EFNA5: variants seen among roughly 807,000 people sequenced by gnomAD.
The protein encoded by EFNA5 is ephrin A5.
A neutral mutation model predicts 22.9 loss-of-function variants in EFNA5; 5 were observed. The ratio of observed to expected loss-of-function variants is 0.22; its 90% confidence interval spans 0.11 to 0.46. The LOEUF is 0.46. Ranked by LOEUF, EFNA5 falls within the 20% of genes least tolerant of loss-of-function variation. EFNA5 has a pLI of 0.99. For synonymous variants in EFNA5, 113 were observed against 112.2 expected (o/e 1.01, Z -0.04); for missense variants, 237 against 293.3 (o/e 0.81, Z 1.40).
rs972650406 is a variant in EFNA5 at position 107,380,739 on chromosome 5, T to A, written c.*516A>T. 7.0e-5 allele frequency: 28 copies of A among 399,448 alleles called. No homozygotes were observed. Among genetic ancestry groups the A allele is most frequent in the African/African-American group, 3.9e-4 (19 of 48,608 alleles). 24.7% of individuals were successfully genotyped at this position (399,448 alleles called of 1,614,324 possible). ...GGTGTAATATCGTATCTATTCTTAA[T>A]ACCTCCCCTCCGGACCTGACATGGT... On this transcript the variant is annotated 3_prime_UTR_variant, in exon 5 of 5. Transcript: ENST00000333274.
chr5:107,586,355 T>A (rs1749186049), intron 1 of EFNA5, among the ~76,000 whole-genome samples: 1 of 152,132 alleles, frequency 6.6e-6, no homozygotes. Flanking sequence ...CAAATCTCCA[T>A]CCCTAACTAG....
At chr5:107,580,016 A>G (rs560259831) in intron 1 of EFNA5, among the ~76,000 whole-genome samples, 25 of 152,330 alleles carry the variant, frequency 1.6e-4, no homozygotes, top group African/African-American at 6.0e-4. Flanking sequence ...CTGATTTTAT[A>G]TGCTTTGGGT....
At chr5:107,430,774 C>CTTTTTTTTTT (rs869266799) in intron 1 of EFNA5, among the ~76,000 whole-genome samples, 9 of 20,292 alleles carry the variant, frequency 4.4e-4, no homozygotes, top group African/African-American at 7.7e-4. Context: ...TTCTTTCTTT[C>CTTTTTTTTTT]TTTTTTTTTT....
chr5:107,542,194 G>T (rs766126814), intron 1 of EFNA5, among the ~76,000 whole-genome samples: 2 of 152,090 alleles, frequency 1.3e-5, no homozygotes, highest in Non-Finnish European at 1.5e-5. Context: ...TAATTTTAAA[G>T]TTCTCAGGAT....
intron 1 of EFNA5, among the ~76,000 whole-genome samples, chr5:107,457,454 T>G (rs1397523841): frequency 2.0e-5 from 3 of 152,202 alleles, no homozygotes; most frequent in African/African-American, 7.2e-5. Flanking sequence ...CCTGTATGCT[T>G]TAAATCATCT....
At chr5:107,574,628 T>G (rs1748888524) in intron 1 of EFNA5, among the ~76,000 whole-genome samples, 1 of 152,202 alleles carries the variant, frequency 6.6e-6, no homozygotes, top group Admixed American at 6.5e-5. Context: ...GTCTACACAA[T>G]TCTGGGCCTT....
At chr5:107,466,360 G>A (rs1437078396) in intron 1 of EFNA5, among the ~76,000 whole-genome samples, 1 of 152,082 alleles carries the variant, frequency 6.6e-6, no homozygotes. Flanking sequence ...AGCTAGGCTT[G>A]GAGAAAGATA....
intron 1 of EFNA5, among the ~76,000 whole-genome samples, chr5:107,571,552 TA>T (rs561656959): frequency 1.5e-4 from 22 of 151,458 alleles, no homozygotes; most frequent in African/African-American, 5.3e-4. Flanking sequence ...TTTTTTTTTT[TA>T]AAGAATAAAA....
chr5:107,565,654 C>G (rs1257423617), intron 1 of EFNA5, among the ~76,000 whole-genome samples: 1 of 152,052 alleles, frequency 6.6e-6, no homozygotes, highest in Non-Finnish European at 1.5e-5. Flanking sequence ...TTTATAACAG[C>G]CAAATAATGC....
At chr5:107,573,113 A>G (rs1008918690) in intron 1 of EFNA5, among the ~76,000 whole-genome samples, 15 of 152,118 alleles carry the variant, frequency 9.9e-5, no homozygotes, top group Non-Finnish European at 2.1e-4. Flanking sequence ...TCTTTAGTTC[A>G]CATTATCTGC....
intron 1 of EFNA5, among the ~76,000 whole-genome samples, chr5:107,652,770 G>T (rs1395692335): frequency 6.6e-6 from 1 of 152,066 alleles, no homozygotes; most frequent in African/African-American, 2.4e-5. Flanking sequence ...TAAAACATAA[G>T]TCAGCCAGCT....
chr5:107,541,220 A>ATGATTATAGCATG (rs1748040429), intron 1 of EFNA5, among the ~76,000 whole-genome samples: 1 of 152,224 alleles, frequency 6.6e-6, no homozygotes, highest in Non-Finnish European at 1.5e-5. Flanking sequence ...ATATAATTAC[A>ATGATTATAGCATG]TAATTATATT....
At chr5:107,533,957 T>C (rs530638861) in intron 1 of EFNA5, among the ~76,000 whole-genome samples, 1 of 152,318 alleles carries the variant, frequency 6.6e-6, no homozygotes, top group Admixed American at 6.5e-5. Context: ...GCCATTTCTA[T>C]TCGGAAAGCT....
chr5:107,386,148 CAA>C (rs33964723), intron 4 of EFNA5, among the ~76,000 whole-genome samples: 8 of 79,492 alleles, frequency 1.0e-4, no homozygotes, highest in African/African-American at 2.5e-4. Context: ...AGAAATTCTA[CAA>C]AAAAAAAAAA....
At chr5:107,388,692 A>G (rs970782799) in intron 2 of EFNA5, 6 of 152,242 alleles carry the variant, frequency 3.9e-5, no homozygotes, top group Non-Finnish European at 8.8e-5. Context: ...AGAAATGACA[A>G]AAATTACAGA....
intron 1 of EFNA5, among the ~76,000 whole-genome samples, chr5:107,656,784 T>G (rs1750834726): frequency 6.6e-6 from 1 of 152,140 alleles, no homozygotes; most frequent in Non-Finnish European, 1.5e-5. Context: ...GTGAAGAAAC[T>G]GAGGCTTAGA....
chr5:107,387,637 G>T, intron 3 of EFNA5, 69 bp downstream of exon 3: 1 of 1,176,490 alleles, frequency 8.5e-7, no homozygotes, highest in Non-Finnish European at 1.2e-6. Flanking sequence ...TTTTACCGCC[G>T]TGAACCAGAC....
At chr5:107,509,300 C>G (rs959980337) in intron 1 of EFNA5, among the ~76,000 whole-genome samples, 11 of 151,538 alleles carry the variant, frequency 7.3e-5, no homozygotes, top group African/African-American at 2.2e-4. Context: ...AAGTGAGTGT[C>G]AACTCTTTTT....
At chr5:107,519,581 T>C (rs1747553097) in intron 1 of EFNA5, among the ~76,000 whole-genome samples, 1 of 152,112 alleles carries the variant, frequency 6.6e-6, no homozygotes, top group Non-Finnish European at 1.5e-5. Flanking sequence ...CATACAGAGG[T>C]CTTTGAAAGA....
Sources: gnomAD v4.1 joint callset for allele counts (sites outside exome capture counted in the v4.1 genomes callset) on GRCh38, gnomAD v4.1.1 for gene constraint, MANE v1.5 for transcripts, NCBI Gene and HGNC (gene_info 2026-07-23, HGNC 2026-07-21) for gene names.